EPHA3: variants seen among roughly 807,000 people sequenced by gnomAD.
EPHA3 encodes the protein ephrin type-A receptor 3.
Under a neutral mutation model 107.1 loss-of-function variants are expected in EPHA3, and 42 were observed. The ratio of observed to expected loss-of-function variants is 0.39; its 90% CI spans 0.31 to 0.51. EPHA3 has a LOEUF of 0.51. Ranked by LOEUF, EPHA3 falls within the 20% of genes least tolerant of loss-of-function variation. The pLI is 0.78. For synonymous variants in EPHA3, 461 were observed against 424.8 expected (o/e 1.09, Z -1.05); for missense variants, 1,183 against 1,211.2 (o/e 0.98, Z 0.35).
At chr3:89,252,064 G>A (rs1455295597) in intron 3 of EPHA3, among the ~76,000 whole-genome samples, 1 of 151,928 alleles carries the variant, frequency 6.6e-6, no homozygotes, top group African/African-American at 2.4e-5. Context: ...TTCTACTCAG[G>A]AATAATAAAT....
intron 2 of EPHA3, among the ~76,000 whole-genome samples, chr3:89,146,126 T>A (rs779466508): frequency 6.6e-6 from 1 of 151,722 alleles, no homozygotes; most frequent in East Asian, 1.9e-4. Flanking sequence ...CTGCTCTGAG[T>A]AGTATGATGA....
At chr3:89,176,425 A>G (rs923777983) in intron 2 of EPHA3, among the ~76,000 whole-genome samples, 9 of 147,020 alleles carry the variant, frequency 6.1e-5, no homozygotes, top group African/African-American at 2.0e-4. Context: ...CCCACCCAGG[A>G]GGCAGAGGTT....
At chr3:89,173,670 A>G (rs535201563) in intron 2 of EPHA3, among the ~76,000 whole-genome samples, 2 of 151,984 alleles carry the variant, frequency 1.3e-5, no homozygotes, top group Non-Finnish European at 2.9e-5. Flanking sequence ...GATGATGAGC[A>G]TTGTCTGCTT....
chr3:89,159,648 T>A (rs1704884674), intron 2 of EPHA3, among the ~76,000 whole-genome samples: 1 of 152,146 alleles, frequency 6.6e-6, no homozygotes, highest in South Asian at 2.1e-4. Flanking sequence ...ATTTGATGAT[T>A]GTGTATCTAA....
At chr3:89,297,201 T>G (rs549706336) in intron 3 of EPHA3, among the ~76,000 whole-genome samples, 1 of 152,320 alleles carries the variant, frequency 6.6e-6, no homozygotes, top group South Asian at 2.1e-4. Context: ...TCCTTTTCAT[T>G]CACAACTTGG....
chr3:89,200,482 G>T (rs553124904), intron 2 of EPHA3, among the ~76,000 whole-genome samples: 1 of 152,152 alleles, frequency 6.6e-6, no homozygotes, highest in African/African-American at 2.4e-5. Flanking sequence ...AGTCTTGCCT[G>T]GGTCTTTGCC....
chr3:89,238,263 T>C (rs1218406883), intron 3 of EPHA3, among the ~76,000 whole-genome samples: 1 of 152,156 alleles, frequency 6.6e-6, no homozygotes, highest in Non-Finnish European at 1.5e-5. Flanking sequence ...TGAAAATAAT[T>C]TCTATTCACT....
At chr3:89,399,183 G>T in intron 6 of EPHA3, 135 bp from the exon 7 acceptor site, 1 of 810,334 alleles carries the variant, frequency 1.2e-6, no homozygotes, top group Non-Finnish European at 1.8e-6. Context: ...TGAAATAATC[G>T]ATATGACTTT....
At chr3:89,399,715 G>A in intron 7 of EPHA3, 1 of 1,214,708 alleles carries the variant, frequency 8.2e-7, no homozygotes, top group Non-Finnish European at 1.0e-6. Context: ...TCTAATGCCT[G>A]AAATGCTTCT....
chr3:89,280,391 TAAAA>T (rs1262273644), intron 3 of EPHA3, among the ~76,000 whole-genome samples: 1 of 151,870 alleles, frequency 6.6e-6, no homozygotes, highest in African/African-American at 2.4e-5. Context: ...GAGGTTGAAG[TAAAA>T]AAATGGGGTT....
intron 3 of EPHA3, among the ~76,000 whole-genome samples, chr3:89,262,963 CTTTT>C (rs532365863): frequency 3.9e-4 from 38 of 97,466 alleles, no homozygotes; most frequent in Admixed American, 8.1e-4. Flanking sequence ...TTACAGCGCT[CTTTT>C]TTTTTTTTTT....
intron 2 of EPHA3, among the ~76,000 whole-genome samples, chr3:89,146,586 G>C (rs1704563702): frequency 1.3e-5 from 2 of 151,950 alleles, no homozygotes; most frequent in African/African-American, 4.8e-5. Context: ...CTCCCATTCT[G>C]TAGGTTGCCT....
chr3:89,449,244 G>A lies in EPHA3; in HGVS notation c.2366G>A (p.Arg789Lys), dbSNP rs1484689450. The change falls in exon 14 of 17, where the codon AGG becomes AAG. Residue 789 changes from arginine to lysine, a missense_variant. Coordinates refer to ENST00000336596, the MANE Select transcript of EPHA3 (RefSeq NM_005233.6). ...TCAAAGGGAGGGAAGATCCCAATCA[G>A]GTGGACATCACCAGAAGCTATAGCC... Reference protein sequence around the residue: ...YTTRGGKIPIRWTSPEAIAYR... With the variant: ...YTTRGGKIPIKWTSPEAIAYR... 1.9e-6 allele frequency: 3 copies of A among 1,607,280 alleles called. No individual in the cohort carries two copies. In the African/African-American group the frequency reaches 4.0e-5, roughly 21 times the overall value.
intron 3 of EPHA3, among the ~76,000 whole-genome samples, chr3:89,287,368 T>C (rs758359515): frequency 2.6e-5 from 4 of 152,132 alleles, no homozygotes; most frequent in Non-Finnish European, 4.4e-5. Context: ...ACCAAATCAG[T>C]GTCCTTTTGG....
At chr3:89,351,154 G>A (rs945371329) in intron 5 of EPHA3, among the ~76,000 whole-genome samples, 1 of 151,316 alleles carries the variant, frequency 6.6e-6, no homozygotes, top group Non-Finnish European at 1.5e-5. Flanking sequence ...CCCAGTTCGA[G>A]CTTCCCCGCT....
intron 16 of EPHA3, among the ~76,000 whole-genome samples, chr3:89,475,506 T>C (rs2107577907): frequency 6.6e-6 from 1 of 152,346 alleles, no homozygotes; most frequent in Admixed American, 6.5e-5. Flanking sequence ...TCAAGTTATC[T>C]CATTTTTGAA....
intron 3 of EPHA3, among the ~76,000 whole-genome samples, chr3:89,250,738 A>C (rs1464468306): frequency 6.6e-5 from 10 of 152,158 alleles, no homozygotes. Context: ...CTTTTCTACT[A>C]ATCTCTTTCT....
intron 2 of EPHA3, among the ~76,000 whole-genome samples, chr3:89,136,927 A>AT (rs1367051522): frequency 1.3e-5 from 2 of 151,890 alleles, no homozygotes; most frequent in Non-Finnish European, 2.9e-5. Context: ...TATTGATAAC[A>AT]TTTTTTCTCT....
chr3:89,269,472 T>A (rs1028614523), intron 3 of EPHA3, among the ~76,000 whole-genome samples: 14 of 151,928 alleles, frequency 9.2e-5, no homozygotes, highest in Non-Finnish European at 1.6e-4. Context: ...CACAGGGTAC[T>A]GCTTTGTTGC....
Sources: allele counts gnomAD v4.1 joint callset (sites outside exome capture counted in the v4.1 genomes callset), GRCh38; gene constraint gnomAD v4.1.1; transcripts MANE v1.5; gene names NCBI Gene and HGNC (gene_info 2026-07-23, HGNC 2026-07-21).